SYNDIG1: variants seen among roughly 807,000 people sequenced by gnomAD.
SYNDIG1 encodes the protein synapse differentiation-inducing gene protein 1.
SYNDIG1 carries 9 observed loss-of-function variants against 19.4 expected under a neutral mutation model. That is an observed-to-expected ratio of 0.46 (90% CI 0.28 to 0.81). The LOEUF (loss-of-function observed/expected upper bound fraction) is 0.81, where lower values mean the gene tolerates loss of function less well. Ranked by LOEUF, SYNDIG1 falls within the 30% of genes least tolerant of loss-of-function variation. The probability of loss-of-function intolerance (pLI) is 0.12; values close to 1 mark genes in which losing one functional copy is unlikely to be tolerated. For synonymous variants in SYNDIG1, 141 were observed against 145.9 expected (o/e 0.97, Z 0.24); for missense variants, 311 against 343.3 (o/e 0.91, Z 0.74).
At chr20:24,627,347 G>C (rs1300296548) in intron 3 of SYNDIG1, among the ~76,000 whole-genome samples, 1 of 152,180 alleles carries the variant, frequency 6.6e-6, no homozygotes, top group African/African-American at 2.4e-5. Flanking sequence ...AATGAAAACA[G>C]TGGTTCTCAG....
chr20:24,563,213 T>C (rs1412602832), intron 2 of SYNDIG1, among the ~76,000 whole-genome samples: 2 of 152,238 alleles, frequency 1.3e-5, no homozygotes, highest in Non-Finnish European at 2.9e-5. Context: ...TCTTCAGCAC[T>C]TTGGTAACTC....
At position 24,534,627 on chromosome 20, in the gene SYNDIG1, T is replaced by C. The variant is rs765817718; in HGVS notation, c.-78-8393T>C. On this transcript the variant is annotated intron_variant, in intron 1 of 3. Coordinates refer to ENST00000376862, the MANE Select transcript of SYNDIG1 (RefSeq NM_024893.3). ...TGTTTCTTCCTTCAAGGCAGCTTTG[T>C]CTCGCCCACTGGTTACACGTTGGCG... 5.9e-5 allele frequency among the ~76,000 whole-genome samples: 9 copies of C among 152,234 alleles called. 1 individual carries two copies. Among genetic ancestry groups the C allele is most frequent in the Non-Finnish European group, 8.8e-5 (6 of 68,032 alleles).
chr20:24,628,707 G>A (rs2059195627), intron 3 of SYNDIG1, among the ~76,000 whole-genome samples: 1 of 152,194 alleles, frequency 6.6e-6, no homozygotes, highest in African/African-American at 2.4e-5. Context: ...TCTGGCTGCA[G>A]CCAAGCTGGT....
intron 3 of SYNDIG1, among the ~76,000 whole-genome samples, chr20:24,608,660 T>C (rs2058799895): frequency 6.6e-6 from 1 of 152,104 alleles, no homozygotes; most frequent in African/African-American, 2.4e-5. Context: ...AGACAATAAT[T>C]AAAAGGTGAC....
intron 1 of SYNDIG1, among the ~76,000 whole-genome samples, chr20:24,529,010 A>T (rs1295021600): frequency 3.3e-5 from 5 of 152,120 alleles, no homozygotes; most frequent in Non-Finnish European, 5.9e-5. Flanking sequence ...ATTCTCAGAG[A>T]TGAAGCCCCT....
chr20:24,644,073 C>A (rs1297340858), intron 3 of SYNDIG1, among the ~76,000 whole-genome samples: 1 of 152,148 alleles, frequency 6.6e-6, no homozygotes, highest in African/African-American at 2.4e-5. Context: ...ACGCAAACAC[C>A]CACACTTTAT....
intron 1 of SYNDIG1, among the ~76,000 whole-genome samples, chr20:24,511,297 T>C (rs939123169): frequency 1.3e-5 from 2 of 152,186 alleles, no homozygotes; most frequent in East Asian, 3.8e-4. Context: ...CACTGACATG[T>C]CACCACTTTT....
At chr20:24,657,657 T>C (rs2059541379) in intron 3 of SYNDIG1, among the ~76,000 whole-genome samples, 1 of 151,860 alleles carries the variant, frequency 6.6e-6, no homozygotes, top group Non-Finnish European at 1.5e-5. Context: ...GCAACAAACG[T>C]GTGTTGGGGG....
chr20:24,500,360 G>A (rs1356880446), intron 1 of SYNDIG1, among the ~76,000 whole-genome samples: 2 of 152,104 alleles, frequency 1.3e-5, no homozygotes, highest in Admixed American at 6.5e-5. Context: ...CTTTTCTATC[G>A]AGTGTTGTTT....
intron 2 of SYNDIG1, among the ~76,000 whole-genome samples, chr20:24,575,608 A>C (rs2058214582): frequency 6.6e-6 from 1 of 152,052 alleles, no homozygotes; most frequent in African/African-American, 2.4e-5. Context: ...GTTTTATTTA[A>C]TTTATCTTGC....
intron 3 of SYNDIG1, among the ~76,000 whole-genome samples, chr20:24,653,258 T>A (rs1170522593): frequency 6.6e-6 from 1 of 152,034 alleles, no homozygotes; most frequent in Non-Finnish European, 1.5e-5. Context: ...GATCATGCAG[T>A]GTGGCTGAGT....
At chr20:24,638,477 C>T (rs6076244) in intron 3 of SYNDIG1, among the ~76,000 whole-genome samples, 2 of 152,274 alleles carry the variant, frequency 1.3e-5, no homozygotes, top group East Asian at 3.9e-4. Flanking sequence ...ATCTCAGCCC[C>T]TTCCCGAGAC....
In SYNDIG1 at chr20:24,496,644, C is replaced by T. The variant is rs138557591; in HGVS notation, c.-79+26891C>T. On this transcript the variant is annotated intron_variant, in intron 1 of 3. Transcript: ENST00000376862. Reference sequence around the variant, plus strand: ...TTAAAATGGGCATCATAATTCATTTCTACTTGGCTTAGTGAGATGATCACT... The same window carrying T: ...TTAAAATGGGCATCATAATTCATTTTTACTTGGCTTAGTGAGATGATCACT... Among the ~76,000 whole-genome samples the T allele has an allele frequency of 1.7e-3, 263 of 152,256 alleles. 1 individual carries two copies. Among genetic ancestry groups the T allele is most frequent in the African/African-American group, 4.9e-3 (202 of 41,534 alleles).
chr20:24,513,518 G>A (rs1244763047), intron 1 of SYNDIG1, among the ~76,000 whole-genome samples: 4 of 152,080 alleles, frequency 2.6e-5, no homozygotes, highest in African/African-American at 9.7e-5. Flanking sequence ...TGGAAGGAAG[G>A]GTATCAGTGA....
At chr20:24,515,727 T>TAG (rs2056847591) in intron 1 of SYNDIG1, among the ~76,000 whole-genome samples, 3 of 152,270 alleles carry the variant, frequency 2.0e-5, no homozygotes, top group Non-Finnish European at 4.4e-5. Flanking sequence ...TGCTCATGGA[T>TAG]AGGAAGAATC....
At chr20:24,581,089 G>A (rs755827912) in intron 2 of SYNDIG1, among the ~76,000 whole-genome samples, 2 of 152,132 alleles carry the variant, frequency 1.3e-5, no homozygotes, top group Non-Finnish European at 1.5e-5. Flanking sequence ...CTCATGAGAA[G>A]CAATGGAGGC....
At chr20:24,590,958 T>C (rs1379293754) in intron 3 of SYNDIG1, among the ~76,000 whole-genome samples, 1 of 152,076 alleles carries the variant, frequency 6.6e-6, no homozygotes, top group African/African-American at 2.4e-5. Flanking sequence ...CTGCTGGGAC[T>C]TGGATCAGCA....
In SYNDIG1 at chr20:24,548,002, C is replaced by T. The variant is rs2057616859; in HGVS notation, c.480+4425C>T. On this transcript the variant is annotated intron_variant, in intron 2 of 3. Transcript: ENST00000376862. ...GAAGCGGTGCCCATGGGGGCTGAGC[C>T]TTTTCTTCACTGAAGGAAGAAGGGG... 3.3e-5 allele frequency among the ~76,000 whole-genome samples: 5 copies of T among 152,144 alleles called. 1 individual carries two copies. In the South Asian group the frequency reaches 8.3e-4, roughly 25 times the overall value.
chr20:24,570,944 GA>G (rs568337116), intron 2 of SYNDIG1, among the ~76,000 whole-genome samples: 1 of 151,870 alleles, frequency 6.6e-6, no homozygotes, highest in African/African-American at 2.4e-5. Flanking sequence ...TATTACTCAG[GA>G]AAAAAAATGA....
Sources: allele counts gnomAD v4.1 joint callset (sites outside exome capture counted in the v4.1 genomes callset), GRCh38; gene constraint gnomAD v4.1.1; transcripts MANE v1.5; gene names NCBI Gene and HGNC (gene_info 2026-07-23, HGNC 2026-07-21).